Variants in KCNG3 observed in about 807,000 individuals in gnomAD.
KCNG3 encodes potassium voltage-gated channel modifier subfamily G member 3.
A neutral mutation model predicts 29.0 loss-of-function variants in KCNG3; 15 were observed. That is an observed-to-expected ratio of 0.52 (90% CI 0.35 to 0.80). The LOEUF (loss-of-function observed/expected upper bound fraction) is 0.80. Ranked by LOEUF, KCNG3 falls within the 30% of genes least tolerant of loss-of-function variation. KCNG3 has a pLI of 0.01. For synonymous variants in KCNG3, 322 were observed against 248.9 expected (o/e 1.29, Z -2.76); for missense variants, 512 against 605.7 (o/e 0.85, Z 1.62).
chr2:42,484,823 T>G (rs1673681456), intron 1 of KCNG3, among the ~76,000 whole-genome samples: 1 of 152,196 alleles, frequency 6.6e-6, no homozygotes, highest in Non-Finnish European at 1.5e-5. Flanking sequence ...ATTCTAAAAT[T>G]GGCAGCAGCC....
At chr2:42,430,689 C>T in the KCNG3 span, among the ~76,000 whole-genome samples, 4 of 151,990 alleles carry the variant, frequency 2.6e-5, no homozygotes, top group East Asian at 1.9e-4. Flanking sequence ...CCCAGATGGT[C>T]GAGGCTACAA....
the KCNG3 span, among the ~76,000 whole-genome samples, chr2:42,419,219 CTTTTTTTTTTTTTTTTTT>C: frequency 3.2e-4 from 9 of 27,736 alleles, 1 homozygote; most frequent in South Asian, 3.7e-3. Flanking sequence ...GATGGTATCT[CTTTTTTTTTTTTTTTTTT>C]TTTTTTTTTT....
At chr2:42,449,610 C>T (rs1196058499) in intron 1 of KCNG3, among the ~76,000 whole-genome samples, 1 of 150,846 alleles carries the variant, frequency 6.6e-6, no homozygotes, top group Non-Finnish European at 1.5e-5. Flanking sequence ...CTCCACCTCC[C>T]GGACTCAAGC....
downstream of KCNG3, among the ~76,000 whole-genome samples, chr2:42,439,621 C>G (rs1001071205): frequency 1.4e-5 from 2 of 145,376 alleles, no homozygotes; most frequent in African/African-American, 5.0e-5. Flanking sequence ...AGGAAAAATA[C>G]GGGGAACACC....
the KCNG3 span, among the ~76,000 whole-genome samples, chr2:42,398,803 T>C: frequency 2.0e-5 from 3 of 152,006 alleles, no homozygotes; most frequent in Non-Finnish European, 2.9e-5. Context: ...TACAGTAGGG[T>C]CCCAGAGCTC....
the KCNG3 span, among the ~76,000 whole-genome samples, chr2:42,431,231 A>G: frequency 6.6e-6 from 1 of 152,120 alleles, no homozygotes; most frequent in Non-Finnish European, 1.5e-5. Flanking sequence ...GGATCCTGCT[A>G]TTCCTAAGAA....
intron 1 of KCNG3, among the ~76,000 whole-genome samples, chr2:42,487,667 A>G (rs77962494): frequency 0.014 from 2,159 of 152,292 alleles, 40 homozygotes; most frequent in African/African-American, 0.049. Context: ...TGGAAGCATA[A>G]ATTGATACAG....
chr2:42,446,033 T>C (rs1274604737), intron 1 of KCNG3, among the ~76,000 whole-genome samples: 1 of 151,826 alleles, frequency 6.6e-6, no homozygotes, highest in African/African-American at 2.4e-5. Context: ...AGCCAACGGG[T>C]AGGATTCTTG....
At chr2:42,391,595 C>CTTTTTTTTTTTTTTT in the KCNG3 span, among the ~76,000 whole-genome samples, 2 of 88,104 alleles carry the variant, frequency 2.3e-5, 1 homozygote, top group African/African-American at 9.8e-5. Flanking sequence ...TTTTATATCT[C>CTTTTTTTTTTTTTTT]TTTTTTTTTT....
chr2:42,389,320 T>G, the KCNG3 span, among the ~76,000 whole-genome samples: 12 of 152,344 alleles, frequency 7.9e-5, no homozygotes, highest in African/African-American at 2.9e-4. Flanking sequence ...AGTAACTTTG[T>G]AAATTCTTTG....
At chr2:42,479,930 T>C (rs1344726101) in intron 1 of KCNG3, among the ~76,000 whole-genome samples, 2 of 152,184 alleles carry the variant, frequency 1.3e-5, no homozygotes, top group Non-Finnish European at 2.9e-5. Flanking sequence ...AAGAATTGCT[T>C]GAACCCAGGA....
intron 1 of KCNG3, among the ~76,000 whole-genome samples, chr2:42,457,562 G>C (rs769969002): frequency 4.7e-5 from 7 of 150,408 alleles, no homozygotes; most frequent in Non-Finnish European, 8.9e-5. Flanking sequence ...TATTTACAAG[G>C]CTGGCCAGGC....
chr2:42,419,177 T>C, the KCNG3 span, among the ~76,000 whole-genome samples: 6 of 149,042 alleles, frequency 4.0e-5, no homozygotes, highest in African/African-American at 1.5e-4. Flanking sequence ...TCGCATGTGC[T>C]GCTATTTCCC....
chr2:42,420,014 G>A, the KCNG3 span, among the ~76,000 whole-genome samples: 1 of 152,112 alleles, frequency 6.6e-6, no homozygotes, highest in Non-Finnish European at 1.5e-5. Flanking sequence ...CCTGAGGTCA[G>A]GAGCTCGAGG....
chr2:42,471,975 A>T (rs1396941497), intron 1 of KCNG3, among the ~76,000 whole-genome samples: 1 of 152,172 alleles, frequency 6.6e-6, no homozygotes, highest in Non-Finnish European at 1.5e-5. Context: ...GTCTGACAAC[A>T]TGTAGAAATG....
At chr2:42,406,301 C>A in the KCNG3 span, among the ~76,000 whole-genome samples, 3 of 151,618 alleles carry the variant, frequency 2.0e-5, no homozygotes, top group African/African-American at 7.3e-5. Flanking sequence ...GTCACTGCAA[C>A]CTCTGCCTCC....
At chr2:42,402,818 A>G in the KCNG3 span, among the ~76,000 whole-genome samples, 27 of 152,232 alleles carry the variant, frequency 1.8e-4, 1 homozygote, top group South Asian at 5.6e-3. Flanking sequence ...TGCTGCCTTG[A>G]TTTCTGGTAC....
chr2:42,407,273 T>A, the KCNG3 span, among the ~76,000 whole-genome samples: 1 of 150,696 alleles, frequency 6.6e-6, no homozygotes, highest in African/African-American at 2.4e-5. Flanking sequence ...CCTCTTGAGC[T>A]CAAGCAATCC....
At chr2:42,391,939 CAA>C in the KCNG3 span, among the ~76,000 whole-genome samples, 1 of 152,108 alleles carries the variant, frequency 6.6e-6, no homozygotes, top group Non-Finnish European at 1.5e-5. Context: ...TGAATTCCAT[CAA>C]TAAAGATGTT....
Sources: allele counts gnomAD v4.1 joint callset (sites outside exome capture counted in the v4.1 genomes callset), GRCh38; gene constraint gnomAD v4.1.1; transcripts MANE v1.5; gene names NCBI Gene and HGNC (gene_info 2026-07-23, HGNC 2026-07-21).